The following SLC25A26 variants were observed in gnomAD, a reference collection of about 807,000 sequenced individuals.
The protein encoded by SLC25A26 is mitochondrial S-adenosylmethionine carrier protein.
Under a neutral mutation model 37.8 loss-of-function variants are expected in SLC25A26, and 36 were observed. The ratio of observed to expected loss-of-function variants is 0.95; its 90% CI spans 0.73 to 1.26. The LOEUF is 1.26. Ranked by LOEUF, SLC25A26 falls within the 50% of genes most tolerant of loss-of-function variation. The pLI is 0.00. For missense variants in SLC25A26, 390 were observed against 331.1 expected, an observed-to-expected ratio of 1.18 and a Z score of -1.38; for synonymous variants, 129 against 122.5, an observed-to-expected ratio of 1.05 and a Z score of -0.35.
intron 1 of SLC25A26, among the ~76,000 whole-genome samples, chr3:66,174,135 CAGAT>C (rs199556619): frequency 0.089 from 13,516 of 151,698 alleles, 729 homozygotes; most frequent in Middle Eastern, 0.18. Flanking sequence ...TAGCAGAAAA[CAGAT>C]AGGATGCTCC....
chr3:66,371,363 C>A, intron 9 of SLC25A26: 1 of 1,537,758 alleles, frequency 6.5e-7, no homozygotes. Flanking sequence ...TTTTGTGTAC[C>A]TTTGGCAGTT....
intron 5 of SLC25A26, among the ~76,000 whole-genome samples, chr3:66,291,640 C>G (rs1450160200): frequency 1.3e-5 from 2 of 152,130 alleles, no homozygotes; most frequent in South Asian, 2.1e-4. Context: ...ATCCTGAGTT[C>G]TAATTTGATT....
At chr3:66,223,943 CAGTA>C (rs879698460) in intron 1 of SLC25A26, among the ~76,000 whole-genome samples, 4 of 152,078 alleles carry the variant, frequency 2.6e-5, no homozygotes, top group African/African-American at 9.7e-5. Context: ...TCAGTGAAGA[CAGTA>C]AGAAGCTGCT....
chr3:66,242,625 T>G (rs2072634086), intron 2 of SLC25A26, among the ~76,000 whole-genome samples: 1 of 152,146 alleles, frequency 6.6e-6, no homozygotes, highest in South Asian at 2.1e-4. Flanking sequence ...AGCCGTCATA[T>G]GCAGCTATGA....
intron 4 of SLC25A26, among the ~76,000 whole-genome samples, chr3:66,263,097 T>C (rs1490992660): frequency 6.6e-6 from 1 of 152,238 alleles, no homozygotes; most frequent in African/African-American, 2.4e-5. Flanking sequence ...GAGATGTTCC[T>C]GTTTCAAAGA....
At chr3:66,152,072 G>C (rs558913615) in intron 1 of SLC25A26, among the ~76,000 whole-genome samples, 1 of 152,236 alleles carries the variant, frequency 6.6e-6, no homozygotes, top group South Asian at 2.1e-4. Flanking sequence ...GCTTATCATT[G>C]TCTCCCTATC....
At chr3:66,358,312 T>C (rs534124027) in intron 6 of SLC25A26, among the ~76,000 whole-genome samples, 2 of 152,230 alleles carry the variant, frequency 1.3e-5, no homozygotes, top group Non-Finnish European at 2.9e-5. Context: ...AATTTGTAAA[T>C]AACACTCTTT....
rs782761312 is a variant in SLC25A26, at chr3:66,240,747, C to CTTT, written c.191-2442_191-2440dup. Among the ~76,000 whole-genome samples, 187 of 129,126 alleles carry CTTT rather than the reference C, an allele frequency of 1.4e-3. 2 individuals are homozygous for CTTT. Among genetic ancestry groups the CTTT allele is most frequent in the African/African-American group, 4.7e-3 (160 of 34,058 alleles). The allele number at this position is 129,126 out of a possible 152,430, so 84.7% of individuals were successfully genotyped here. A position where few individuals can be genotyped will look rare whatever the true frequency, so the allele number is the denominator to read the frequency against. On this transcript the variant is annotated intron_variant, in intron 2 of 9. Coordinates refer to ENST00000354883, the MANE Select transcript of SLC25A26 (RefSeq NM_001379210.1). ...CATGACAGGGCTAGCCTTTTCTTTT[C>CTTT]TTTTTTTTTTTTTTTTGAGACAGAG...
In SLC25A26 at chr3:66,346,396, G is replaced by A; in HGVS notation, c.486G>A (p.Trp162Ter). 1 of 1,481,314 alleles carries A rather than the reference G, an allele frequency of 6.8e-7. No individual in the cohort carries two copies. Among genetic ancestry groups the A allele is most frequent in the Non-Finnish European group, 9.0e-7 (1 of 1,109,920 alleles). 91.8% of individuals were successfully genotyped at this position (1,481,314 alleles called of 1,614,324 possible). A position where few individuals can be genotyped will look rare whatever the true frequency, so the allele number is the denominator to read the frequency against. Residue 162 changes from tryptophan to a stop codon, truncating the protein, a stop_gained, in exon 6 of 10, where the codon TGG becomes TGA. Transcript: ENST00000354883. LOFTEE classifies it high-confidence loss of function. ...TTTCTTTGGTCCAGTTTCCCTTATG[G>A]GAGTCCTTAAAAGTAAGTTTCTCAG... is the stretch of plus-strand genomic sequence containing the variant. ...IPFSLVQFPL[W>*]ESLKALWSWR...
intron 1 of SLC25A26, among the ~76,000 whole-genome samples, chr3:66,160,573 T>C (rs1189140056): frequency 1.3e-5 from 2 of 152,248 alleles, no homozygotes; most frequent in Non-Finnish European, 2.9e-5. Flanking sequence ...AATTATTCTA[T>C]GTGCACAATA....
At chr3:66,225,663 C>A (rs2071710771) in intron 1 of SLC25A26, among the ~76,000 whole-genome samples, 1 of 152,130 alleles carries the variant, frequency 6.6e-6, no homozygotes, top group African/African-American at 2.4e-5. Context: ...ATGGGTTTTT[C>A]TTTTTTACCG....
intron 5 of SLC25A26, among the ~76,000 whole-genome samples, chr3:66,302,488 C>G (rs1469345588): frequency 2.0e-5 from 3 of 151,822 alleles, no homozygotes; most frequent in African/African-American, 7.3e-5. Context: ...TGACACTTTT[C>G]TCATTCTAGT....
At chr3:66,371,327 A>T in intron 9 of SLC25A26, 2 of 1,549,246 alleles carry the variant, frequency 1.3e-6, no homozygotes, top group Non-Finnish European at 1.7e-6. Flanking sequence ...CCTGATGCCG[A>T]GTTGGATCAC....
intron 7 of SLC25A26, among the ~76,000 whole-genome samples, chr3:66,364,591 C>G (rs950287444): frequency 2.0e-5 from 3 of 152,212 alleles, no homozygotes; most frequent in African/African-American, 7.2e-5. Flanking sequence ...GTAGAAGCAA[C>G]AATTCCTACC....
At position 66,377,880 on chromosome 3, in the gene SLC25A26, C is replaced by A; in HGVS notation, c.*73C>A. On this transcript the variant is annotated 3_prime_UTR_variant, in exon 10 of 10. Coordinates refer to ENST00000354883, the MANE Select transcript of SLC25A26 (RefSeq NM_001379210.1). ...GTGCAAACCCTCTTCCGCTGAGCAG[C>A]TGTCTGAACTATAGGCCCCAGTGCT... The A allele has an allele frequency of 8.7e-7, 1 of 1,143,712 alleles. No individual in the cohort carries two copies. Among genetic ancestry groups the A allele is most frequent in the Non-Finnish European group, 1.3e-6 (1 of 759,592 alleles). 70.8% of individuals were successfully genotyped at this position (1,143,712 alleles called of 1,614,324 possible). A position where few individuals can be genotyped will look rare whatever the true frequency, so the allele number is the denominator to read the frequency against.
intron 1 of SLC25A26, among the ~76,000 whole-genome samples, chr3:66,175,735 G>A (rs967861590): frequency 2.6e-5 from 4 of 152,164 alleles, no homozygotes; most frequent in South Asian, 2.1e-4. Context: ...AAAAGGCAGC[G>A]AGGCAGAAGG....
At chr3:66,275,653 A>G (rs1462460380) in intron 5 of SLC25A26, among the ~76,000 whole-genome samples, 1 of 152,036 alleles carries the variant, frequency 6.6e-6, no homozygotes, top group Non-Finnish European at 1.5e-5. Context: ...GTTCTCACTA[A>G]ATTCCTAGGC....
intron 5 of SLC25A26, among the ~76,000 whole-genome samples, chr3:66,325,878 C>G (rs1169756406): frequency 1.3e-5 from 2 of 152,136 alleles, no homozygotes; most frequent in African/African-American, 2.4e-5. Context: ...GCTTCTGGCT[C>G]TTCTGGAGAA....
intron 5 of SLC25A26, among the ~76,000 whole-genome samples, chr3:66,282,849 T>C (rs1164543617): frequency 6.6e-6 from 1 of 152,172 alleles, no homozygotes; most frequent in Admixed American, 6.5e-5. Flanking sequence ...GCATACCCAT[T>C]TCCCTGCTTC....
Sources: gnomAD v4.1 joint callset for allele counts (sites outside exome capture counted in the v4.1 genomes callset) on GRCh38, gnomAD v4.1.1 for gene constraint, MANE v1.5 for transcripts, NCBI Gene and HGNC (gene_info 2026-07-23, HGNC 2026-07-21) for gene names.